The following PCDHA4 variants were observed in gnomAD, a reference collection of about 807,000 sequenced individuals.
The protein encoded by PCDHA4 is protocadherin alpha-4.
Under a neutral mutation model 61.4 loss-of-function variants are expected in PCDHA4, and 49 were observed. The observed-to-expected ratio is 0.80, with a 90% confidence interval of 0.63 to 1.01. The LOEUF is 1.01. PCDHA4 is among the 50% of genes least tolerant of loss of function. The probability of loss-of-function intolerance (pLI) is 0.00; values close to 1 mark genes in which losing one functional copy is unlikely to be tolerated. For synonymous variants in PCDHA4, 590 were observed against 550.3 expected (o/e 1.07, Z -1.01); for missense variants, 1,254 against 1,235.8 (o/e 1.01, Z -0.22).
At chr5:140,819,602 A>C (rs2150104699) in intron 1 of PCDHA4, among the ~76,000 whole-genome samples, 21 of 152,236 alleles carry the variant, frequency 1.4e-4, no homozygotes, top group African/African-American at 5.1e-4. Context: ...TTTCCTGTGG[A>C]GTCTCCCATG....
At chr5:140,825,311 T>C (rs1360273212) in intron 1 of PCDHA4, 2 of 149,360 alleles carry the variant, frequency 1.3e-5, no homozygotes, top group African/African-American at 4.9e-5. Flanking sequence ...AACAATGATT[T>C]AATTTTCTGG....
At chr5:140,962,171 G>A (rs1218733161) in intron 1 of PCDHA4, among the ~76,000 whole-genome samples, 3 of 151,902 alleles carry the variant, frequency 2.0e-5, no homozygotes, top group Non-Finnish European at 4.4e-5. Context: ...CACCACACCC[G>A]GCCACTTATA....
At chr5:140,975,847 C>T (rs895067113) in intron 1 of PCDHA4, among the ~76,000 whole-genome samples, 1 of 152,100 alleles carries the variant, frequency 6.6e-6, no homozygotes, top group East Asian at 1.9e-4. Flanking sequence ...TTCAGTAATA[C>T]TACATCACCC....
At chr5:140,829,378 C>G in intron 1 of PCDHA4, 1 of 1,614,180 alleles carries the variant, frequency 6.2e-7, no homozygotes, top group Non-Finnish European at 8.5e-7. Context: ...CCGCGCGGGA[C>G]GGGGGCTCGC....
At chr5:140,932,899 CAAT>C (rs1317207926) in intron 1 of PCDHA4, among the ~76,000 whole-genome samples, 2 of 151,832 alleles carry the variant, frequency 1.3e-5, no homozygotes, top group Non-Finnish European at 3.0e-5. Context: ...TAGAGGGAAA[CAAT>C]AATATTTCAA....
intron 1 of PCDHA4, chr5:140,849,602 T>G: frequency 6.3e-7 from 1 of 1,598,704 alleles, no homozygotes; most frequent in South Asian, 1.1e-5. Flanking sequence ...GGACAGTTAT[T>G]GCCCTGATTA....
rs1272639969 is a variant in PCDHA4, at chr5:140,807,834, A to G, written c.647A>G (p.Asp216Gly). The G allele has an allele frequency of 6.2e-7, 1 of 1,614,086 alleles. No homozygotes were observed. Among genetic ancestry groups the G allele is most frequent in the East Asian group, 2.2e-5 (1 of 44,900 alleles). ...PEIFLVLTAT[D>G]GGKPELTGTV... ...ATTTTTTTAGTGCTCACAGCCACTG[A>G]TGGAGGCAAACCCGAGTTGACTGGC... The change falls in exon 1 of 4, where the codon GAT becomes GGT. Residue 216 changes from aspartate (D) to glycine (G), a missense_variant. By Grantham distance (94) the Asp-to-Gly change is moderately conservative. Coordinates refer to ENST00000530339, the MANE Select transcript of PCDHA4 (RefSeq NM_018907.4).
chr5:140,966,260 A>C, intron 1 of PCDHA4: 1 of 339,990 alleles, frequency 2.9e-6, no homozygotes, highest in Admixed American at 4.8e-5. Context: ...GACGGTGGAG[A>C]CTGGATGAAC....
chr5:140,842,494 C>T lies in PCDHA4; in HGVS notation c.2385+32922C>T, dbSNP rs2150337446. The T allele has an allele frequency of 1.1e-5, 17 of 1,613,862 alleles. No homozygotes were observed. In the South Asian group the frequency reaches 1.6e-4, roughly 16 times the overall value. On this transcript the variant is annotated intron_variant, in intron 1 of 3. Transcript: ENST00000530339. ...GGCAGGTGACCTGCTCCCTGATGCCCCATGTCCCCTTCAAGCTGGTGTCCA... is the reference window on the plus strand; with the variant it reads ...GGCAGGTGACCTGCTCCCTGATGCCTCATGTCCCCTTCAAGCTGGTGTCCA...
intron 1 of PCDHA4, chr5:140,834,138 ATAGT>A (rs1772812314): frequency 2.0e-6 from 1 of 499,248 alleles, no homozygotes; most frequent in Non-Finnish European, 3.5e-6. Context: ...CATCTGATTA[ATAGT>A]TTGTAATGGT....
chr5:140,871,710 C>T (rs1306052156), intron 1 of PCDHA4: 4 of 826,486 alleles, frequency 4.8e-6, no homozygotes, highest in East Asian at 2.8e-5. Flanking sequence ...AATAAATGTC[C>T]TATTTCTCTT....
intron 1 of PCDHA4, among the ~76,000 whole-genome samples, chr5:140,931,965 CAT>C (rs1195736359): frequency 6.6e-6 from 1 of 151,852 alleles, no homozygotes; most frequent in African/African-American, 2.4e-5. Context: ...CATGTTGATG[CAT>C]ATGTGTTTAT....
At chr5:140,830,167 G>A in intron 1 of PCDHA4, 2 of 1,613,548 alleles carry the variant, frequency 1.2e-6, no homozygotes, top group South Asian at 1.1e-5. Flanking sequence ...CAGAGGCGGC[G>A]CTGGTGGATG....
intron 1 of PCDHA4, among the ~76,000 whole-genome samples, chr5:140,955,906 G>T (rs1044355938): frequency 2.0e-5 from 3 of 152,040 alleles, no homozygotes; most frequent in East Asian, 3.9e-4. Flanking sequence ...TCTCTTTGTA[G>T]CAATTGTGAA....
At chr5:140,967,051 G>C in intron 1 of PCDHA4, 2 of 1,612,562 alleles carry the variant, frequency 1.2e-6, no homozygotes, top group Non-Finnish European at 1.7e-6. Context: ...TGGACCTGAC[G>C]AGTGGAGCGC....
At chr5:140,862,706 G>A in intron 1 of PCDHA4, 1 of 558,712 alleles carries the variant, frequency 1.8e-6, no homozygotes, top group South Asian at 1.4e-5. Context: ...ATGGAACAGC[G>A]GGTGGGCGAG....
chr5:140,963,717 T>C (rs2095787814), intron 1 of PCDHA4, among the ~76,000 whole-genome samples: 1 of 152,256 alleles, frequency 6.6e-6, no homozygotes, highest in Admixed American at 6.5e-5. Context: ...ATGCTACATA[T>C]AGACTGCCAA....
At chr5:140,982,367 G>A in intron 2 of PCDHA4, 108 bp from the exon 3 acceptor site, 1 of 1,544,446 alleles carries the variant, frequency 6.5e-7, no homozygotes, top group Non-Finnish European at 8.7e-7. Context: ...AGCAGAATGT[G>A]TTAGCTGCAG....
Position 140,807,145 on chromosome 5 carries a change from T to C in PCDHA4, c.-43T>C. The C allele has an allele frequency of 6.3e-7, 1 of 1,574,836 alleles. No individual in the cohort carries two copies. Among genetic ancestry groups the C allele is most frequent in the Non-Finnish European group, 8.6e-7 (1 of 1,159,610 alleles). ...CCGATTAAAAGATTTCCCTTGACTT[T>C]GAGAAACGATATTTAATCAGAACAA... On this transcript the variant is annotated 5_prime_UTR_variant, in exon 1 of 4. Transcript: ENST00000530339.
Sources: gnomAD v4.1 joint callset for allele counts (sites outside exome capture counted in the v4.1 genomes callset) on GRCh38, gnomAD v4.1.1 for gene constraint, MANE v1.5 for transcripts, NCBI Gene and HGNC (gene_info 2026-07-23, HGNC 2026-07-21) for gene names.